Variants in ARSG observed in about 807,000 individuals in gnomAD.
The protein encoded by ARSG is arylsulfatase G, also known as ASG.
In ARSG, 37 loss-of-function variants were observed where a neutral mutation model predicts 50.5. The observed-to-expected ratio is 0.73, with a 90% CI of 0.56 to 0.96. ARSG has a LOEUF of 0.96. Among genes scored for constraint, ARSG ranks in the 50% least tolerant of loss-of-function variants. The pLI is 0.00. For missense variants in ARSG, 629 were observed against 675.3 expected, an observed-to-expected ratio of 0.93 and a Z score of 0.76; for synonymous variants, 225 against 254.6, an observed-to-expected ratio of 0.88 and a Z score of 1.11.
intron 2 of ARSG, among the ~76,000 whole-genome samples, chr17:68,312,285 T>C (rs2076892563): frequency 6.6e-6 from 1 of 152,142 alleles, no homozygotes; most frequent in South Asian, 2.1e-4. Flanking sequence ...TATTTGTTCA[T>C]CAATAAATGG....
At chr17:68,293,015 G>A (rs1367433097) in intron 1 of ARSG, among the ~76,000 whole-genome samples, 5 of 152,214 alleles carry the variant, frequency 3.3e-5, no homozygotes, top group African/African-American at 1.2e-4. Flanking sequence ...TAAGGCCTCA[G>A]TACCCATTAG....
At chr17:68,323,929 C>T (rs1212545109) in intron 2 of ARSG, among the ~76,000 whole-genome samples, 1 of 151,918 alleles carries the variant, frequency 6.6e-6, no homozygotes, top group Non-Finnish European at 1.5e-5. Flanking sequence ...AAAAATTAGC[C>T]AGGTGTGGTG....
rs555579176 is a variant in ARSG, at chr17:68,285,960, C to T, written c.-551-20983C>T. On this transcript the variant is annotated intron_variant, in intron 1 of 11. Transcript: ENST00000448504. ...ATTTTTAGTAGAGACAGGGTTTCAC[C>T]ATGTTGGCCAGGCCGGTCTGGAACT... is the stretch of plus-strand genomic sequence containing the variant. Among the ~76,000 whole-genome samples, 43 of 152,218 alleles carry T rather than the reference C, an allele frequency of 2.8e-4. 1 individual carries two copies. The South Asian group carries it at 8.9e-3, about 32-fold the overall frequency.
intron 1 of ARSG, chr17:68,267,087 TACAGA>T (rs1555746643): frequency 6.6e-6 from 1 of 152,184 alleles, no homozygotes; most frequent in Non-Finnish European, 1.5e-5. Flanking sequence ...ATGTCACTAA[TACAGA>T]ACAGATCAGC....
Position 68,378,031 on chromosome 17 carries a change from A to G in ARSG, c.983-7033A>G, listed in dbSNP as rs1034031132. Among the ~76,000 whole-genome samples, 36 of 152,168 alleles carry G rather than the reference A, an allele frequency of 2.4e-4. No individual in the cohort carries two copies. The highest frequency in any genetic ancestry group is 1.8e-3 in the Admixed American group (28 of 15,274). The stretch of plus-strand genomic sequence containing the variant: ...CAAAGCGGCTTCCTGTCAACTAACT[A>G]TTCCACAGCCTCCTTCTTCCTCTCT... On this transcript the variant is annotated intron_variant, in intron 8 of 11. Transcript: ENST00000621439. The surrounding 1 kb of genome is among the most constrained non-coding windows in gnomAD (Gnocchi z 4.4).
the ARSG span, chr17:68,430,148 C>G: frequency 6.2e-7 from 1 of 1,613,002 alleles, no homozygotes; most frequent in Non-Finnish European, 8.5e-7. Flanking sequence ...AGGTCGAAGG[C>G]TCTTCTGGTC....
the ARSG span, chr17:68,429,966 C>T: frequency 6.2e-7 from 1 of 1,613,202 alleles, no homozygotes; most frequent in Non-Finnish European, 8.5e-7. Flanking sequence ...AAAGTGTGGT[C>T]TTGTTCAGAG....
intron 8 of ARSG, among the ~76,000 whole-genome samples, chr17:68,380,862 CT>C (rs2080399226): frequency 6.6e-6 from 1 of 152,124 alleles, no homozygotes; most frequent in South Asian, 2.1e-4. Flanking sequence ...GTTATGAATT[CT>C]GCCCAAGACC....
chr17:68,307,586 A>C lies in ARSG; in HGVS notation c.93A>C (p.Thr31=). 1 of 1,614,156 alleles carries C rather than the reference A, an allele frequency of 6.2e-7. No individual in the cohort carries two copies. Among genetic ancestry groups the C allele is most frequent in the South Asian group, 1.1e-5 (1 of 91,088 alleles). ...TGGATTTTTGCATCAGTGGGAAAAC[A>C]AGAGGACAGAAGCCAAACTTTGTGA... is the stretch of plus-strand genomic sequence containing the variant. ...PLVDFCISGK[T]RGQKPNFVII... The change falls in exon 2 of 12, where the codon ACA becomes ACC. Residue 31 remains threonine, a synonymous_variant. Coordinates refer to ENST00000621439, the MANE Select transcript of ARSG (RefSeq NM_001267727.2).
chr17:68,260,683 G>A (rs1455444550), intron 1 of ARSG, among the ~76,000 whole-genome samples: 3 of 151,822 alleles, frequency 2.0e-5, no homozygotes, highest in African/African-American at 7.3e-5. Context: ...TTTAGAGATG[G>A]GGTTTTTTCC....
chr17:68,343,508 A>G (rs2078367807), intron 2 of ARSG, 96 bp from the exon 3 acceptor site: 1 of 1,198,278 alleles, frequency 8.3e-7, no homozygotes, highest in Admixed American at 2.6e-5. Flanking sequence ...TTGATCTTTG[A>G]GCACTGAAAT....
chr17:68,437,798 G>T, the ARSG span, among the ~76,000 whole-genome samples: 1 of 151,874 alleles, frequency 6.6e-6, no homozygotes, highest in Non-Finnish European at 1.5e-5. Flanking sequence ...ATTTATAAGG[G>T]GATTCAAGAA....
chr17:68,268,290 G>A (rs2075217181), intron 1 of ARSG: 1 of 152,418 alleles, frequency 6.6e-6, no homozygotes, highest in African/African-American at 2.4e-5. Flanking sequence ...AGACACTACA[G>A]TCACATATTT....
chr17:68,437,003 A>AT, the ARSG span, among the ~76,000 whole-genome samples: 36 of 60,392 alleles, frequency 6.0e-4, no homozygotes, highest in East Asian at 9.4e-3. Flanking sequence ...CAAAAAAAAA[A>AT]AAATATATAT....
chr17:68,308,677 A>G (rs940040209), intron 2 of ARSG, among the ~76,000 whole-genome samples: 1 of 152,272 alleles, frequency 6.6e-6, no homozygotes, highest in East Asian at 1.9e-4. Context: ...ATCTGGCCCC[A>G]CCCACATCCT....
chr17:68,269,041 G>T (rs2075242142), intron 1 of ARSG: 10 of 1,592,362 alleles, frequency 6.3e-6, no homozygotes, highest in Non-Finnish European at 8.5e-6. Context: ...GTCCCCGTTG[G>T]GCCCACCCCA....
At chr17:68,338,973 C>T (rs567718059) in intron 2 of ARSG, among the ~76,000 whole-genome samples, 26 of 152,260 alleles carry the variant, frequency 1.7e-4, no homozygotes, top group Non-Finnish European at 3.2e-4. Flanking sequence ...TAAATGAATC[C>T]CTTTGTTATA....
chr17:68,400,952 G>C (rs1309114622), intron 10 of ARSG: 1 of 161,820 alleles, frequency 6.2e-6, no homozygotes, highest in African/African-American at 2.4e-5. Flanking sequence ...TGGGCACAGG[G>C]ATAGGGAGAC....
At chr17:68,300,635 G>A (rs1250692645) in intron 1 of ARSG, among the ~76,000 whole-genome samples, 8 of 152,072 alleles carry the variant, frequency 5.3e-5, no homozygotes, top group Admixed American at 1.3e-4. Context: ...TATAATTTCC[G>A]CAGGGCTACT....
Sources: allele counts gnomAD v4.1 joint callset (sites outside exome capture counted in the v4.1 genomes callset), GRCh38; gene constraint gnomAD v4.1.1; non-coding constraint Gnocchi (gnomAD v3.1); transcripts MANE v1.5; gene names NCBI Gene and HGNC (gene_info 2026-07-23, HGNC 2026-07-21).